CLEC16A: variants seen among roughly 807,000 people sequenced by gnomAD.
CLEC16A encodes protein CLEC16A.
A neutral mutation model predicts 109.5 loss-of-function variants in CLEC16A; 51 were observed. That is an observed-to-expected ratio of 0.47 (90% CI 0.37 to 0.59). The LOEUF is 0.59. Ranked by LOEUF, CLEC16A falls within the 20% of genes least tolerant of loss-of-function variation. CLEC16A has a pLI of 0.00. For missense variants in CLEC16A, 1,339 were observed against 1,394.0 expected, an observed-to-expected ratio of 0.96 and a Z score of 0.63; for synonymous variants, 673 against 564.2, an observed-to-expected ratio of 1.19 and a Z score of -2.73.
In CLEC16A at chr16:11,180,552, C is replaced by T. The variant is rs2068925431; in HGVS notation, c.*1862C>T. On this transcript the variant is annotated 3_prime_UTR_variant, in exon 24 of 24. Transcript: ENST00000409790. The stretch of plus-strand genomic sequence containing the variant: ...ATCAGGAGACGGGACACGCCACACC[C>T]AGCAGGCAGCCTGTGTGTTGCTTAA... 6.6e-6 allele frequency: 1 copy of T among 152,432 alleles called. No individual in the cohort carries two copies. The highest frequency in any genetic ancestry group is 1.5e-5 in the Non-Finnish European group (1 of 68,170). The allele number at this position is 152,432 out of a possible 1,614,324, so 9.4% of individuals were successfully genotyped here.
At chr16:11,133,168 G>A (rs555426668) in intron 22 of CLEC16A, among the ~76,000 whole-genome samples, 5 of 152,034 alleles carry the variant, frequency 3.3e-5, no homozygotes, top group East Asian at 1.9e-4. Context: ...GCGAAACCTC[G>A]TCTCTACTAA....
At chr16:11,171,327 T>C (rs1162514712) in intron 23 of CLEC16A, among the ~76,000 whole-genome samples, 1 of 152,204 alleles carries the variant, frequency 6.6e-6, no homozygotes, top group Non-Finnish European at 1.5e-5. Context: ...GGCAGAGCTA[T>C]GGGTGCCCTG....
intron 19 of CLEC16A, among the ~76,000 whole-genome samples, chr16:11,102,883 A>C (rs1204339119): frequency 1.3e-5 from 2 of 152,160 alleles, no homozygotes; most frequent in African/African-American, 4.8e-5. Context: ...TATCACCTCT[A>C]TTTGCTGATG....
intron 19 of CLEC16A, among the ~76,000 whole-genome samples, chr16:11,105,711 G>C (rs1417411518): frequency 6.6e-6 from 1 of 152,184 alleles, no homozygotes; most frequent in Non-Finnish European, 1.5e-5. Context: ...GCCTCCCCAA[G>C]CCTTCAGCTC....
intron 23 of CLEC16A, among the ~76,000 whole-genome samples, chr16:11,177,886 C>A (rs577848457): frequency 2.4e-4 from 37 of 151,106 alleles, no homozygotes; most frequent in African/African-American, 9.0e-4. Flanking sequence ...AGTGGGTTCC[C>A]TCTTGGGTAA....
At chr16:11,128,873 CCTT>C (rs1038853078) in intron 22 of CLEC16A, among the ~76,000 whole-genome samples, 18 of 152,334 alleles carry the variant, frequency 1.2e-4, no homozygotes, top group African/African-American at 4.1e-4. Context: ...GCAACAGAAG[CCTT>C]CTCAGGATCC....
chr16:11,127,597 G>A (rs1475924754), intron 22 of CLEC16A, among the ~76,000 whole-genome samples: 1 of 152,228 alleles, frequency 6.6e-6, no homozygotes, highest in Non-Finnish European at 1.5e-5. Flanking sequence ...GCTGGGCATG[G>A]CGGCTCATGC....
chr16:10,946,574 T>C (rs2041385274), intron 1 of CLEC16A, among the ~76,000 whole-genome samples: 1 of 152,000 alleles, frequency 6.6e-6, no homozygotes, highest in African/African-American at 2.4e-5. Flanking sequence ...TTCAGGAATT[T>C]ATCGAGTGGG....
chr16:11,150,513 C>T (rs890429856), intron 22 of CLEC16A, among the ~76,000 whole-genome samples: 2 of 152,210 alleles, frequency 1.3e-5, no homozygotes, highest in Admixed American at 1.3e-4. Flanking sequence ...CTTGGGCACA[C>T]CTCTCTCTGT....
Position 10,958,791 on chromosome 16 carries a change from C to A in CLEC16A, c.209+881C>A, listed in dbSNP as rs546781617. ...TGGTTGTGTGTGCCTGTGTTCCCAG[C>A]TACTCAGAAGGTTGAGGTGGGAGGA... On this transcript the variant is annotated intron_variant, in intron 2 of 23. Transcript: ENST00000409790. 2.0e-5 allele frequency among the ~76,000 whole-genome samples: 3 copies of A among 152,198 alleles called. No homozygotes were observed. In the South Asian group the frequency reaches 6.2e-4, roughly 32 times the overall value.
chr16:11,154,537 G>A (rs1389589127), intron 22 of CLEC16A, among the ~76,000 whole-genome samples: 1 of 152,196 alleles, frequency 6.6e-6, no homozygotes, highest in Non-Finnish European at 1.5e-5. Context: ...CAGCTAATGT[G>A]AGGAAGACTT....
At chr16:11,104,566 G>C (rs1263447305) in intron 19 of CLEC16A, among the ~76,000 whole-genome samples, 1 of 152,194 alleles carries the variant, frequency 6.6e-6, no homozygotes, top group African/African-American at 2.4e-5. Context: ...GCCTTACAGA[G>C]GAAATCCAAG....
rs547833072 is a variant in CLEC16A at position 11,048,951 on chromosome 16, G to C, written c.1866+1609G>C. The stretch of plus-strand genomic sequence containing the variant: ...GCTTGAGCTCTTAAACCCCTGCTCA[G>C]TGTCTGCTTTTGACAATGCAACCTT... On this transcript the variant is annotated intron_variant, in intron 17 of 23. Transcript: ENST00000409790. 2.4e-4 allele frequency among the ~76,000 whole-genome samples: 37 copies of C among 152,198 alleles called. No individual in the cohort carries two copies. The South Asian group carries it at 7.7e-3, about 32-fold the overall frequency.
rs902425033 is a variant in CLEC16A at position 10,983,085 on chromosome 16, A to G, written c.1071+94A>G. 6.9e-6 allele frequency: 5 copies of G among 722,288 alleles called. No individual in the cohort carries two copies. The African/African-American group carries it at 8.8e-5, about 13-fold the overall frequency. 44.7% of individuals were successfully genotyped at this position (722,288 alleles called of 1,614,324 possible). ...TCTAAAATCAGAAACTAACATTCTG[A>G]ATATATAGCAGTGATGATGCATAAG... On this transcript the variant is annotated intron_variant, in intron 10 of 23. Transcript: ENST00000409790.
intron 19 of CLEC16A, among the ~76,000 whole-genome samples, chr16:11,069,184 G>C (rs2048925326): frequency 6.6e-6 from 1 of 152,064 alleles, no homozygotes; most frequent in Non-Finnish European, 1.5e-5. Context: ...ATGAAGTACA[G>C]TGGTATAATC....
intron 10 of CLEC16A, among the ~76,000 whole-genome samples, chr16:10,989,443 C>T (rs770555266): frequency 2.6e-5 from 4 of 152,050 alleles, no homozygotes; most frequent in Admixed American, 2.6e-4. Context: ...CCGTGTTACC[C>T]AAGCTGGTCT....
Position 11,133,136 on chromosome 16 carries a change from C to T in CLEC16A, c.2641+6990C>T, listed in dbSNP as rs376998546. ...CCTGTATCACCTGAGGTCAGGAGTT[C>T]GAGACCAGCCTGGCCGACATGGCGA... On this transcript the variant is annotated intron_variant, in intron 22 of 23. Coordinates refer to ENST00000409790, the MANE Select transcript of CLEC16A (RefSeq NM_015226.3). 4.6e-5 allele frequency among the ~76,000 whole-genome samples: 7 copies of T among 152,198 alleles called. No individual in the cohort carries two copies. In the East Asian group the frequency reaches 1.3e-3, roughly 29 times the overall value.
intron 19 of CLEC16A, among the ~76,000 whole-genome samples, chr16:11,096,796 G>A (rs149666110): frequency 1.1e-3 from 173 of 152,272 alleles, no homozygotes; most frequent in African/African-American, 3.9e-3. Context: ...GTCCATGTAC[G>A]TAATCATGTC....
At chr16:11,173,285 G>A (rs2068603158) in intron 23 of CLEC16A, among the ~76,000 whole-genome samples, 2 of 152,130 alleles carry the variant, frequency 1.3e-5, no homozygotes, top group African/African-American at 2.4e-5. Context: ...CCGTTTTTCA[G>A]TGTATAGTCC....
Sources: gnomAD v4.1 joint callset for allele counts (sites outside exome capture counted in the v4.1 genomes callset) on GRCh38, gnomAD v4.1.1 for gene constraint, MANE v1.5 for transcripts, NCBI Gene and HGNC (gene_info 2026-07-23, HGNC 2026-07-21) for gene names.